Variants in LGSN observed in about 807,000 individuals in gnomAD.
The protein encoded by LGSN is lengsin.
Under a neutral mutation model 19.5 loss-of-function variants are expected in LGSN, and 21 were observed. The ratio of observed to expected loss-of-function variants is 1.07; its 90% CI spans 0.76 to 1.55. LGSN has a LOEUF of 1.55. Among genes scored for constraint, LGSN ranks in the 40% most tolerant of loss-of-function variants. LGSN has a pLI of 0.00. For synonymous variants in LGSN, 257 were observed against 215.6 expected (o/e 1.19, Z -1.68); for missense variants, 673 against 608.5 (o/e 1.11, Z -1.12).
At chr6:63,479,704 C>A in the LGSN span, among the ~76,000 whole-genome samples, 1 of 152,054 alleles carries the variant, frequency 6.6e-6, no homozygotes, top group East Asian at 1.9e-4. Context: ...CATGCCACTG[C>A]ACTCCAGCTT....
intron 2 of LGSN, chr6:63,293,555 G>A: frequency 3.2e-6 from 1 of 310,758 alleles, no homozygotes; most frequent in Non-Finnish European, 6.4e-6. Flanking sequence ...CTGACTCCCG[G>A]GCTAGTATTC....
chr6:63,396,048 G>A, the LGSN span: 1 of 153,852 alleles, frequency 6.5e-6, no homozygotes, highest in Non-Finnish European at 1.4e-5. Context: ...TGAGAAGCTT[G>A]TAGCATCCAC....
At chr6:63,335,059 C>T in the LGSN span, among the ~76,000 whole-genome samples, 1 of 150,180 alleles carries the variant, frequency 6.7e-6, no homozygotes, top group East Asian at 2.0e-4. Context: ...AGGAGAATCA[C>T]TTGAACTACT....
chr6:63,412,771 G>GAAAGAAAGAAAGAAAGAAAGAGAAA, the LGSN span, among the ~76,000 whole-genome samples: 3 of 34,298 alleles, frequency 8.7e-5, no homozygotes, highest in South Asian at 1.5e-3. Context: ...AAGAAAGAAA[G>GAAAGAAAGAAAGAAAGAAAGAGAAA]GAAGGAAGGG....
At chr6:63,449,316 G>C in the LGSN span, among the ~76,000 whole-genome samples, 1 of 152,102 alleles carries the variant, frequency 6.6e-6, no homozygotes, top group African/African-American at 2.4e-5. Flanking sequence ...GGAGGCCGAG[G>C]CGGGCGGATC....
At chr6:63,503,885 C>T in the LGSN span, among the ~76,000 whole-genome samples, 3 of 152,156 alleles carry the variant, frequency 2.0e-5, no homozygotes, top group Non-Finnish European at 4.4e-5. Flanking sequence ...CACTGCACTC[C>T]AGCCTGGACA....
At chr6:63,410,097 C>T in the LGSN span, among the ~76,000 whole-genome samples, 1 of 152,088 alleles carries the variant, frequency 6.6e-6, no homozygotes, top group Admixed American at 6.6e-5. Flanking sequence ...TAGTACCTGT[C>T]TCTTAATATG....
chr6:63,381,328 G>C, the LGSN span, among the ~76,000 whole-genome samples: 1 of 152,190 alleles, frequency 6.6e-6, no homozygotes, highest in African/African-American at 2.4e-5. Flanking sequence ...TCAAATCAGG[G>C]CATCCACAGG....
chr6:63,440,454 A>G, the LGSN span, among the ~76,000 whole-genome samples: 1 of 152,112 alleles, frequency 6.6e-6, no homozygotes, highest in African/African-American at 2.4e-5. Context: ...TAAACCCTAT[A>G]ATGTGTCTGT....
chr6:63,560,338 CAAAAAAA>C, the LGSN span, among the ~76,000 whole-genome samples: 7 of 50,582 alleles, frequency 1.4e-4, no homozygotes, highest in Non-Finnish European at 1.3e-4. Context: ...GACTCCGTCT[CAAAAAAA>C]AAAAAAAAAA....
the LGSN span, chr6:63,549,108 G>C: frequency 4.3e-6 from 3 of 702,798 alleles, no homozygotes; most frequent in South Asian, 3.0e-5. Context: ...TCGAAGGACA[G>C]GTGGTCTCTT....
At chr6:63,522,687 G>A in the LGSN span, among the ~76,000 whole-genome samples, 1 of 151,984 alleles carries the variant, frequency 6.6e-6, no homozygotes, top group East Asian at 1.9e-4. Context: ...CTGGACCTGG[G>A]GATTCCTATT....
chr6:63,550,760 G>A, the LGSN span, among the ~76,000 whole-genome samples: 3 of 151,898 alleles, frequency 2.0e-5, no homozygotes, highest in Non-Finnish European at 2.9e-5. Flanking sequence ...GAGTAGCTGG[G>A]ATTATAGGCA....
intron 1 of LGSN, among the ~76,000 whole-genome samples, chr6:63,304,863 G>A (rs1768318627): frequency 6.6e-6 from 1 of 152,156 alleles, no homozygotes; most frequent in East Asian, 1.9e-4. Context: ...TGATCGTGAA[G>A]ACACTATAAC....
chr6:63,508,035 C>T, the LGSN span, among the ~76,000 whole-genome samples: 70 of 139,372 alleles, frequency 5.0e-4, no homozygotes, highest in Admixed American at 5.0e-3. Flanking sequence ...AATTTTCCTT[C>T]TTTGGTTATT....
At chr6:63,346,306 C>A in the LGSN span, among the ~76,000 whole-genome samples, 5 of 152,124 alleles carry the variant, frequency 3.3e-5, no homozygotes, top group South Asian at 1.0e-3. Context: ...CCCACCCCAC[C>A]ATCGTCCTGA....
chr6:63,495,469 T>TTTTTTTTTTTTTTTTTTTTTTTTG, the LGSN span, among the ~76,000 whole-genome samples: 481 of 119,274 alleles, frequency 4.0e-3, no homozygotes, highest in African/African-American at 9.5e-3. Context: ...TTTTTTTTTT[T>TTTTTTTTTTTTTTTTTTTTTTTTG]TTTTTTTGAG....
the LGSN span, among the ~76,000 whole-genome samples, chr6:63,355,559 A>G: frequency 6.6e-6 from 1 of 152,020 alleles, no homozygotes; most frequent in Non-Finnish European, 1.5e-5. Context: ...AAGTGTCCAC[A>G]GAGCCATGCT....
chr6:63,421,215 A>G, the LGSN span, among the ~76,000 whole-genome samples: 7 of 151,334 alleles, frequency 4.6e-5, no homozygotes, highest in East Asian at 1.4e-3. Context: ...TGAAGTCAGG[A>G]GTTCAAGACC....
Sources: gnomAD v4.1 joint callset for allele counts (sites outside exome capture counted in the v4.1 genomes callset) on GRCh38, gnomAD v4.1.1 for gene constraint, MANE v1.5 for transcripts, NCBI Gene and HGNC (gene_info 2026-07-23, HGNC 2026-07-21) for gene names.